SNX24: variants seen among roughly 807,000 people sequenced by gnomAD.
SNX24 encodes sorting nexin-24.
In SNX24, 22 loss-of-function variants were observed where a neutral mutation model predicts 28.7. That is an observed-to-expected ratio of 0.77 (90% CI 0.55 to 1.10). The LOEUF is 1.10. Ranked by LOEUF, SNX24 falls within the 50% of genes least tolerant of loss-of-function variation. SNX24 has a pLI of 0.00. For synonymous variants in SNX24, 69 were observed against 71.5 expected (o/e 0.96, Z 0.18); for missense variants, 221 against 201.1 (o/e 1.10, Z -0.60).
At chr5:122,848,644 G>T (rs1321565099) in intron 1 of SNX24, among the ~76,000 whole-genome samples, 1 of 152,134 alleles carries the variant, frequency 6.6e-6, no homozygotes, top group Non-Finnish European at 1.5e-5. Context: ...CGGAGGCGGA[G>T]GTTGCAGAGA....
intron 1 of SNX24, among the ~76,000 whole-genome samples, chr5:122,920,491 G>A (rs372851904): frequency 3.9e-5 from 6 of 152,328 alleles, no homozygotes; most frequent in Admixed American, 2.6e-4. Flanking sequence ...ATCCTGCACA[G>A]TATATAAAGT....
At chr5:122,989,695 C>G (rs1312416317) in intron 3 of SNX24, among the ~76,000 whole-genome samples, 1 of 152,262 alleles carries the variant, frequency 6.6e-6, no homozygotes, top group East Asian at 1.9e-4. Flanking sequence ...CTGGATCTTG[C>G]ATAGATGCAA....
intron 1 of SNX24, among the ~76,000 whole-genome samples, chr5:122,885,833 C>T (rs917146287): frequency 4.6e-5 from 7 of 151,960 alleles, no homozygotes; most frequent in African/African-American, 1.7e-4. Context: ...GACAGGTGGT[C>T]GGGGGAGGGG....
intron 5 of SNX24, among the ~76,000 whole-genome samples, chr5:123,014,363 G>C (rs372536294): frequency 5.8e-5 from 1 of 17,122 alleles, no homozygotes; most frequent in Non-Finnish European, 1.4e-4. Flanking sequence ...TTTTTTTTTT[G>C]TAGAGACAGG....
rs559993854 is a variant in SNX24, at chr5:123,019,968, C to T, written n.384-9270C>T. On this transcript the variant is annotated intron_variant and non_coding_transcript_variant, in intron 5 of 5. Transcript: ENST00000502387. The stretch of plus-strand genomic sequence containing the variant: ...CTTGGTCATCTGGCATAACAGGTAA[C>T]ATGATAATTTACCACTGGTGCACTA... 1.2e-4 allele frequency among the ~76,000 whole-genome samples: 18 copies of T among 152,320 alleles called. No homozygotes were observed. The South Asian group carries it at 3.7e-3, about 32-fold the overall frequency.
intron 1 of SNX24, among the ~76,000 whole-genome samples, chr5:122,894,519 T>A (rs1581716176): frequency 6.6e-6 from 1 of 152,344 alleles, no homozygotes; most frequent in East Asian, 1.9e-4. Context: ...TTTGTGTGAC[T>A]GAACCATCAT....
chr5:123,006,480 C>T (rs1762424034), intron 6 of SNX24, among the ~76,000 whole-genome samples: 1 of 152,352 alleles, frequency 6.6e-6, no homozygotes, highest in South Asian at 2.1e-4. Context: ...CCAAACTGAT[C>T]TTGTGTCTGC....
chr5:122,877,774 A>G (rs902917681), intron 1 of SNX24, among the ~76,000 whole-genome samples: 6 of 151,740 alleles, frequency 4.0e-5, no homozygotes, highest in Non-Finnish European at 8.8e-5. Context: ...CTGGTAGCCA[A>G]TGGTGAGAGT....
chr5:122,932,192 G>A (rs1758985014), intron 1 of SNX24, among the ~76,000 whole-genome samples: 1 of 152,180 alleles, frequency 6.6e-6, no homozygotes, highest in African/African-American at 2.4e-5. Flanking sequence ...CAAAAATTTA[G>A]TCAAATGAAC....
intron 3 of SNX24, among the ~76,000 whole-genome samples, chr5:122,975,519 T>G (rs976622958): frequency 2.0e-5 from 3 of 152,162 alleles, no homozygotes; most frequent in Non-Finnish European, 4.4e-5. Context: ...CTTTTGAAAT[T>G]AAGCGGCATA....
chr5:122,885,784 C>T (rs1756682054), intron 1 of SNX24, among the ~76,000 whole-genome samples: 1 of 152,098 alleles, frequency 6.6e-6, no homozygotes, highest in Admixed American at 6.5e-5. Context: ...GAAATAAAAC[C>T]AAGTATAGTG....
intron 3 of SNX24, among the ~76,000 whole-genome samples, chr5:122,987,582 A>T (rs1313618780): frequency 6.6e-6 from 1 of 152,158 alleles, no homozygotes; most frequent in East Asian, 1.9e-4. Context: ...GCCAGAACTG[A>T]GCTGTCCCGA....
At chr5:123,026,439 A>G (rs41334653) in intron 5 of SNX24, among the ~76,000 whole-genome samples, 7,939 of 152,276 alleles carry the variant, frequency 0.052, 702 homozygotes, top group African/African-American at 0.18. Flanking sequence ...CAAGCATTCA[A>G]TATATACCCA....
intron 1 of SNX24, among the ~76,000 whole-genome samples, chr5:122,913,142 T>C (rs1757968341): frequency 6.6e-6 from 1 of 152,214 alleles, no homozygotes; most frequent in African/African-American, 2.4e-5. Flanking sequence ...AACCATCCGA[T>C]TTCTCAATCT....
downstream of SNX24, among the ~76,000 whole-genome samples, chr5:123,012,437 A>G (rs903917449): frequency 1.3e-5 from 2 of 152,198 alleles, no homozygotes; most frequent in African/African-American, 2.4e-5. Flanking sequence ...TTCCATTTCT[A>G]TGAAGTATCT....
intron 1 of SNX24, among the ~76,000 whole-genome samples, chr5:122,854,807 T>G (rs1330445930): frequency 1.3e-5 from 2 of 152,198 alleles, no homozygotes; most frequent in Admixed American, 1.3e-4. Context: ...GTAAAGTGAT[T>G]ATCTTAATAA....
chr5:122,911,835 G>C (rs1322402737), intron 1 of SNX24, among the ~76,000 whole-genome samples: 1 of 138,990 alleles, frequency 7.2e-6, no homozygotes, highest in Non-Finnish European at 1.5e-5. Flanking sequence ...CTATATCTCT[G>C]TTTTGGTACC....
intron 3 of SNX24, among the ~76,000 whole-genome samples, chr5:122,998,781 G>A (rs886341791): frequency 1.3e-5 from 2 of 152,184 alleles, no homozygotes; most frequent in Non-Finnish European, 2.9e-5. Context: ...AGAACAAGAT[G>A]TGATATAGAA....
At chr5:122,916,283 T>G (rs1423490737) in intron 1 of SNX24, among the ~76,000 whole-genome samples, 1 of 152,194 alleles carries the variant, frequency 6.6e-6, no homozygotes, top group African/African-American at 2.4e-5. Flanking sequence ...GAAAATGTGC[T>G]TTTGACTCTG....
Sources: gnomAD v4.1 joint callset for allele counts (sites outside exome capture counted in the v4.1 genomes callset) on GRCh38, gnomAD v4.1.1 for gene constraint, MANE v1.5 for transcripts, NCBI Gene and HGNC (gene_info 2026-07-23, HGNC 2026-07-21) for gene names.